TMEM177: variants seen among roughly 807,000 people sequenced by gnomAD.
The protein encoded by TMEM177 is transmembrane protein 177.
A neutral mutation model predicts 14.2 loss-of-function variants in TMEM177; 4 were observed. The observed-to-expected ratio is 0.28, with a 90% CI of 0.14 to 0.64. The LOEUF is 0.64. Ranked by LOEUF, TMEM177 falls within the 30% of genes least tolerant of loss-of-function variation. The pLI, the probability that TMEM177 is intolerant of heterozygous loss-of-function variation, is 0.82. For synonymous variants in TMEM177, 179 were observed against 174.5 expected (o/e 1.03, Z -0.20); for missense variants, 344 against 405.2 (o/e 0.85, Z 1.30).
chr2:119,713,469 T>C, the TMEM177 span, among the ~76,000 whole-genome samples: 3 of 152,220 alleles, frequency 2.0e-5, no homozygotes, highest in Admixed American at 1.3e-4. Flanking sequence ...TTGTTCATTG[T>C]ATGCATTGTA....
At chr2:119,722,016 A>G in the TMEM177 span, among the ~76,000 whole-genome samples, 2 of 152,340 alleles carry the variant, frequency 1.3e-5, no homozygotes, top group Admixed American at 6.5e-5. Flanking sequence ...AAATGGGGTC[A>G]TTGACCCTTG....
chr2:119,687,922 A>G (rs1035507123), downstream of TMEM177, among the ~76,000 whole-genome samples: 4 of 152,254 alleles, frequency 2.6e-5, no homozygotes, highest in Admixed American at 6.5e-5. Flanking sequence ...ACTTGATACA[A>G]TCATAAAAGT....
At chr2:119,695,712 A>G in the TMEM177 span, among the ~76,000 whole-genome samples, 1,318 of 152,362 alleles carry the variant, frequency 8.7e-3, 10 homozygotes, top group South Asian at 0.023. Context: ...CAGTTTGTAA[A>G]CACTCTCATA....
the TMEM177 span, among the ~76,000 whole-genome samples, chr2:119,704,559 C>G: frequency 6.6e-6 from 1 of 151,956 alleles, no homozygotes; most frequent in African/African-American, 2.4e-5. Context: ...GATTGTGCCA[C>G]TGCACTCCAG....
downstream of TMEM177, chr2:119,685,729 A>G (rs1429835383): frequency 2.8e-6 from 2 of 718,086 alleles, no homozygotes; most frequent in Non-Finnish European, 5.2e-6. Flanking sequence ...CAGAACAAGG[A>G]TTTGAAGCTG....
chr2:119,716,440 C>T, the TMEM177 span, among the ~76,000 whole-genome samples: 1 of 152,194 alleles, frequency 6.6e-6, no homozygotes, highest in Non-Finnish European at 1.5e-5. Context: ...GAGAAATTTA[C>T]TGAAAAGATG....
At position 119,681,310 on chromosome 2, in the gene TMEM177, GC is replaced by G. The variant is rs1558688272; in HGVS notation, c.459del (p.Leu154TrpfsTer45). ...LTLSREAQKF[A>X]LAREVVYLES... is the part of the protein sequence containing the mutation. ...CTTGTCCCGTGAAGCCCAGAAGTTC[GC>G]CTTGGCCAGGGAAGTGGTGTACCTG... is the stretch of plus-strand genomic sequence containing the variant. On this transcript the variant is annotated frameshift_variant, in exon 2 of 2. Transcript: ENST00000272521. LOFTEE classifies it high-confidence loss of function. 6.2e-7 allele frequency: 1 copy of G among 1,614,224 alleles called. No individual in the cohort carries two copies. The highest frequency in any genetic ancestry group is 8.5e-7 in the Non-Finnish European group (1 of 1,180,046).
At chr2:119,682,548 A>G (rs1277567292), downstream of TMEM177, among the ~76,000 whole-genome samples, 2 of 152,096 alleles carry the variant, frequency 1.3e-5, no homozygotes, top group East Asian at 1.9e-4. Flanking sequence ...GTGGATGCAG[A>G]TGGCACACTC....
chr2:119,706,273 G>A, the TMEM177 span, among the ~76,000 whole-genome samples: 1 of 152,094 alleles, frequency 6.6e-6, no homozygotes, highest in Non-Finnish European at 1.5e-5. Context: ...TGATCTGCCT[G>A]CCTCGGCCTT....
At chr2:119,697,029 G>T in the TMEM177 span, among the ~76,000 whole-genome samples, 1 of 152,210 alleles carries the variant, frequency 6.6e-6, no homozygotes, top group Admixed American at 6.5e-5. Flanking sequence ...ATTCTCACAT[G>T]GCCAGACACA....
Position 119,681,636 on chromosome 2 carries a change from C to T in TMEM177, c.783C>T (p.Arg261=). The T allele has an allele frequency of 1.2e-6, 2 of 1,614,258 alleles. No homozygotes were observed. Among genetic ancestry groups the T allele is most frequent in the Non-Finnish European group, 1.7e-6 (2 of 1,180,050 alleles). ...TTCTGTCGGGCAACCTGGCCCTGCG[C>T]AGTCTCTTGGGCAAAGACGGGGAGA... is the stretch of plus-strand genomic sequence containing the variant. ...EKLLSGNLAL[R]SLLGKDGEKL... The change falls in exon 2 of 2, where the codon CGC becomes CGT. Residue 261 remains arginine, a synonymous_variant. Transcript: ENST00000272521.
chr2:119,682,124 TCG>T, downstream of TMEM177: 1 of 147,208 alleles, frequency 6.8e-6, no homozygotes, highest in South Asian at 2.6e-4. Flanking sequence ...TCCTTCTTGG[TCG>T]TTTTTTTTTT....
At chr2:119,697,014 G>C in the TMEM177 span, among the ~76,000 whole-genome samples, 1 of 152,226 alleles carries the variant, frequency 6.6e-6, no homozygotes, top group Non-Finnish European at 1.5e-5. Context: ...CCCTGCCCTG[G>C]GGAAATTCTC....
At position 119,681,086 on chromosome 2, in the gene TMEM177, A is replaced by G. The variant is rs998753620; in HGVS notation, c.233A>G (p.His78Arg). 6.2e-6 allele frequency: 10 copies of G among 1,614,112 alleles called. No individual in the cohort carries two copies. Among genetic ancestry groups the G allele is most frequent in the Non-Finnish European group, 8.5e-6 (10 of 1,180,056 alleles). Residue 78 changes from histidine (H) to arginine (R), a missense_variant, in exon 2 of 2, where the codon CAT becomes CGT. Physicochemically the swap from His to Arg is conservative, Grantham distance 29 (BLOSUM62 0). Transcript: ENST00000272521. ...VLQDIGVPSG[H>R]CYKPFTTFTF... ...CAGGACATAGGTGTTCCTTCAGGCC[A>G]TTGCTACAAGCCCTTCACCACCTTC...
downstream of TMEM177, among the ~76,000 whole-genome samples, chr2:119,685,229 C>A: frequency 8.6e-6 from 1 of 116,300 alleles, no homozygotes; most frequent in Non-Finnish European, 1.7e-5. Context: ...CCCCCCTTTG[C>A]AGGCACACAC....
chr2:119,710,905 C>T, the TMEM177 span, among the ~76,000 whole-genome samples: 6 of 152,202 alleles, frequency 3.9e-5, no homozygotes, highest in African/African-American at 1.4e-4. Flanking sequence ...CCACCACGCC[C>T]GGCCCAACAC....
At chr2:119,715,214 A>T in the TMEM177 span, among the ~76,000 whole-genome samples, 1 of 152,144 alleles carries the variant, frequency 6.6e-6, no homozygotes, top group Admixed American at 6.6e-5. Flanking sequence ...GAGACCCTAC[A>T]TCTACAAAAA....
At chr2:119,699,803 G>A in the TMEM177 span, 1 of 326,066 alleles carries the variant, frequency 3.1e-6, no homozygotes, top group African/African-American at 2.2e-5. Flanking sequence ...TACAATGGGG[G>A]AGTTGGTAGT....
At chr2:119,686,695 A>AC (rs879878788), downstream of TMEM177, among the ~76,000 whole-genome samples, 2,125 of 151,130 alleles carry the variant, frequency 0.014, 21 homozygotes, top group Non-Finnish European at 0.021. Context: ...TCCCCCTAGT[A>AC]CTGGGAATAC....
Sources: allele counts gnomAD v4.1 joint callset (sites outside exome capture counted in the v4.1 genomes callset), GRCh38; gene constraint gnomAD v4.1.1; transcripts MANE v1.5; gene names NCBI Gene and HGNC (gene_info 2026-07-23, HGNC 2026-07-21).